Variants in IGSF3 observed in about 807,000 individuals in gnomAD.
IGSF3 encodes glu-Trp-Ile EWI motif-containing protein 3.
In IGSF3, 23 loss-of-function variants were observed where a neutral mutation model predicts 114.4. The observed-to-expected ratio is 0.20, with a 90% CI of 0.14 to 0.28. The LOEUF (loss-of-function observed/expected upper bound fraction) is 0.28. Among genes scored for constraint, IGSF3 ranks in the 10% least tolerant of loss-of-function variants. The probability of loss-of-function intolerance (pLI) is 1.00; values close to 1 mark genes in which losing one functional copy is unlikely to be tolerated. For synonymous variants in IGSF3, 571 were observed against 645.2 expected, an observed-to-expected ratio of 0.88 and a Z score of 1.74; for missense variants, 1,172 against 1,591.5, an observed-to-expected ratio of 0.74 and a Z score of 4.48.
At chr1:116,601,749 C>A (rs1660598816) in intron 6 of IGSF3, among the ~76,000 whole-genome samples, 1 of 152,122 alleles carries the variant, frequency 6.6e-6, no homozygotes, top group South Asian at 2.1e-4. Context: ...AAGTTTATGA[C>A]ACGGAGGCCC....
chr1:116,626,047 G>T (rs1261399303), intron 2 of IGSF3, among the ~76,000 whole-genome samples: 1 of 152,162 alleles, frequency 6.6e-6, no homozygotes, highest in Non-Finnish European at 1.5e-5. Context: ...TGTTGAAGCT[G>T]CTTCCTTAGA....
chr1:116,608,050 C>T lies in IGSF3; in HGVS notation c.1114G>A (p.Gly372Arg), dbSNP rs1045820637. Residue 372 changes from glycine (G) to arginine (R), a missense_variant, in exon 5 of 11, where the codon GGG (glycine) becomes AGG (arginine). By Grantham distance (125) the Gly-to-Arg change is moderately radical. Around this residue, in one of 3 missense-constraint regions of IGSF3, gnomAD observed 736 missense variants for 1,042.0 expected, o/e 0.71. Transcript: ENST00000369486. ...KIYHLRQEDS[G>R]KYNCRVTERE... is the part of the protein sequence containing the mutation. ...TCAGTCACCCGGCAGTTGTATTTCC[C>T]GCTATCTTCCTGGCGGAGGTGGTAG... is the stretch of plus-strand genomic sequence containing the variant. The T allele has an allele frequency of 6.2e-7, 1 of 1,613,884 alleles. No homozygotes were observed. The highest frequency in any genetic ancestry group is 8.5e-7 in the Non-Finnish European group (1 of 1,179,802).
At position 116,595,896 on chromosome 1, in the gene IGSF3, C is replaced by G. The variant is rs148395453; in HGVS notation, c.2029+4045G>C. Among the ~76,000 whole-genome samples the G allele has an allele frequency of 2.0e-5, 3 of 152,320 alleles. No individual in the cohort carries two copies. The highest frequency in any genetic ancestry group is 7.2e-5 in the African/African-American group (3 of 41,570). ...GCTAATAATCAAACATGTGAACTGG[C>G]TGAAAGTCTTGCCTAAGCACCCCTT... On this transcript the variant is annotated intron_variant, in intron 7 of 10. Coordinates refer to ENST00000369486, the MANE Select transcript of IGSF3 (RefSeq NM_001007237.3). This position sits in a 1 kb window ranked among gnomAD's most constrained non-coding sequence, Gnocchi z 4.2.
Position 116,595,313 on chromosome 1 carries a change from C to T in IGSF3, c.2029+4628G>A, listed in dbSNP as rs961252851. ...TCCTCTTAGGGCTCTTGCACTGACA[C>T]CCATTCTATCTTGGCACAGACAACA... On this transcript the variant is annotated intron_variant, in intron 7 of 10. Transcript: ENST00000369486. This position sits in a 1 kb window ranked among gnomAD's most constrained non-coding sequence, Gnocchi z 4.2. Among the ~76,000 whole-genome samples, 2 of 152,118 alleles carry T rather than the reference C, an allele frequency of 1.3e-5. No individual in the cohort carries two copies. Among genetic ancestry groups the T allele is most frequent in the African/African-American group, 4.8e-5 (2 of 41,396 alleles).
intron 2 of IGSF3, among the ~76,000 whole-genome samples, chr1:116,622,900 G>A (rs74111644): frequency 0.14 from 20,794 of 152,216 alleles, 1,834 homozygotes; most frequent in African/African-American, 0.26. Context: ...GGATCTTCTT[G>A]CCCACCTGGT....
chr1:116,637,103 G>A (rs1182606033), intron 2 of IGSF3, among the ~76,000 whole-genome samples: 2 of 152,088 alleles, frequency 1.3e-5, no homozygotes, highest in East Asian at 1.9e-4. Flanking sequence ...TCCCATCAAC[G>A]AGTCCAGCGC....
chr1:116,641,182 T>C (rs1256859083), intron 2 of IGSF3, among the ~76,000 whole-genome samples: 1 of 152,142 alleles, frequency 6.6e-6, no homozygotes, highest in Non-Finnish European at 1.5e-5. Flanking sequence ...TCGGTACATA[T>C]TTGAAACTTT....
At chr1:116,601,681 T>A (rs947484817) in intron 6 of IGSF3, among the ~76,000 whole-genome samples, 6 of 152,254 alleles carry the variant, frequency 3.9e-5, no homozygotes, top group African/African-American at 1.4e-4. Context: ...TACAATTTGC[T>A]GAAAACTCTG....
chr1:116,586,088 A>G (rs1459913042), intron 8 of IGSF3, among the ~76,000 whole-genome samples: 1 of 152,176 alleles, frequency 6.6e-6, no homozygotes, highest in Non-Finnish European at 1.5e-5. Context: ...GACACTATGA[A>G]TGCACAATAG....
chr1:116,654,105 T>A lies in IGSF3; in HGVS notation c.43+12179A>T, dbSNP rs115392530. ...CCATCATTCCTCACACTAACAAACA[T>A]GTCCATCTATGTGAAGCAGAATTCC... On this transcript the variant is annotated intron_variant, in intron 2 of 10. Transcript: ENST00000369486. The surrounding 1 kb of genome is among the most constrained non-coding windows in gnomAD (Gnocchi z 4.4). 0.018 allele frequency among the ~76,000 whole-genome samples: 2,695 copies of A among 152,266 alleles called. 22 individuals carry two copies. Among genetic ancestry groups the A allele is most frequent in the African/African-American group, 0.021 (886 of 41,544 alleles).
rs1647705718 is a variant in IGSF3 at position 116,633,884 on chromosome 1, C to G, written c.44-17427G>C. Reference sequence around the variant, plus strand: ...AACAGAATCCAGGGCTGAGGTCAGCCCTGAGTCTGTAGGCTCTGCCCTCTC... The same window carrying G: ...AACAGAATCCAGGGCTGAGGTCAGCGCTGAGTCTGTAGGCTCTGCCCTCTC... On this transcript the variant is annotated intron_variant, in intron 2 of 10. Transcript: ENST00000369486. This position sits in a 1 kb window ranked among gnomAD's most constrained non-coding sequence, Gnocchi z 4.3. 6.6e-6 allele frequency among the ~76,000 whole-genome samples: 1 copy of G among 152,310 alleles called. No individual in the cohort carries two copies. Among genetic ancestry groups the G allele is most frequent in the South Asian group, 2.1e-4 (1 of 4,830 alleles).
Position 116,624,718 on chromosome 1 carries a change from T to G in IGSF3, c.44-8261A>C, listed in dbSNP as rs1305183248. 6.6e-6 allele frequency among the ~76,000 whole-genome samples: 1 copy of G among 152,246 alleles called. No individual in the cohort carries two copies. ...TGTATCTGGGCAGGAAGTCACTGTG[T>G]GGCTTCCAATCCTAGGTCATGGAAA... On this transcript the variant is annotated intron_variant, in intron 2 of 10. Transcript: ENST00000369486. This position sits in a 1 kb window ranked among gnomAD's most constrained non-coding sequence, Gnocchi z 4.9.
chr1:116,616,336 G>A lies in IGSF3; in HGVS notation c.165C>T (p.Phe55=). The part of the protein sequence containing the change: ...SGYQGPSEQN[F]QWSIYLPSSP... Reference sequence around the variant, plus strand: ...ACGAAGGCAGGTAAATGGACCACTGGAAATTCTGCTCAGAAGGTCCCTGGT... The same window carrying A: ...ACGAAGGCAGGTAAATGGACCACTGAAAATTCTGCTCAGAAGGTCCCTGGT... The change falls in exon 3 of 11, where the codon TTC becomes TTT. Residue 55 remains phenylalanine (F), a synonymous_variant. Coordinates refer to ENST00000369486, the MANE Select transcript of IGSF3 (RefSeq NM_001007237.3). The surrounding 1 kb of genome is among the most constrained non-coding windows in gnomAD (Gnocchi z 6.6). 2 of 1,612,180 alleles carry A rather than the reference G, an allele frequency of 1.2e-6. No individual in the cohort carries two copies. The highest frequency in any genetic ancestry group is 1.7e-5 in the Admixed American group (1 of 60,030).
At chr1:116,599,621 G>T (rs1660487598) in intron 7 of IGSF3, among the ~76,000 whole-genome samples, 1 of 152,210 alleles carries the variant, frequency 6.6e-6, no homozygotes, top group Non-Finnish European at 1.5e-5. Context: ...GGGTGGGTAG[G>T]TTCTTAGGAG....
rs963825652 is a variant in IGSF3, at chr1:116,636,390, C to T, written c.44-19933G>A. On this transcript the variant is annotated intron_variant, in intron 2 of 10. Coordinates refer to ENST00000369486, the MANE Select transcript of IGSF3 (RefSeq NM_001007237.3). This position sits in a 1 kb window ranked among gnomAD's most constrained non-coding sequence, Gnocchi z 4.5. Reference sequence around the variant, plus strand: ...AGGACAGTTTTCATGCAAACTGGTTCTTCCAGGTTCTTATGCCTGGAAGAA... The same window carrying T: ...AGGACAGTTTTCATGCAAACTGGTTTTTCCAGGTTCTTATGCCTGGAAGAA... 3.3e-5 allele frequency among the ~76,000 whole-genome samples: 5 copies of T among 152,170 alleles called. No homozygotes were observed. The highest frequency in any genetic ancestry group is 5.9e-5 in the Non-Finnish European group (4 of 68,034).
At position 116,632,051 on chromosome 1, in the gene IGSF3, CAA is replaced by C. The variant is rs1647616030; in HGVS notation, c.44-15596_44-15595del. 6.6e-6 allele frequency among the ~76,000 whole-genome samples: 1 copy of C among 152,148 alleles called. No individual in the cohort carries two copies. Among genetic ancestry groups the C allele is most frequent in the Non-Finnish European group, 1.5e-5 (1 of 68,024 alleles). On this transcript the variant is annotated intron_variant, in intron 2 of 10. Coordinates refer to ENST00000369486, the MANE Select transcript of IGSF3 (RefSeq NM_001007237.3). This position sits in a 1 kb window ranked among gnomAD's most constrained non-coding sequence, Gnocchi z 5.1. ...GAGAGCAGAGCCTATTCCTGAAAAG[CAA>C]AAGACTCCAAACTTGCACAACTCAA...
intron 10 of IGSF3, among the ~76,000 whole-genome samples, chr1:116,578,922 C>T (rs1364464320): frequency 2.6e-5 from 4 of 152,184 alleles, no homozygotes; most frequent in Admixed American, 2.6e-4. Context: ...CAAGATCCAC[C>T]TCAACCTCCA....
chr1:116,597,937 A>T lies in IGSF3; in HGVS notation c.2029+2004T>A, dbSNP rs191187720. ...CATTATTAGGTTGTTGGATAAATTTAAAAAGAAAACATGAGTAAAGCACTA... is the reference window on the plus strand; with the variant it reads ...CATTATTAGGTTGTTGGATAAATTTTAAAAGAAAACATGAGTAAAGCACTA... On this transcript the variant is annotated intron_variant, in intron 7 of 10. Coordinates refer to ENST00000369486, the MANE Select transcript of IGSF3 (RefSeq NM_001007237.3). Among the ~76,000 whole-genome samples the T allele has an allele frequency of 4.6e-5, 7 of 152,354 alleles. No individual in the cohort carries two copies. In the East Asian group the frequency reaches 1.3e-3, roughly 29 times the overall value.
chr1:116,658,268 G>T (rs1268666335), intron 2 of IGSF3, among the ~76,000 whole-genome samples: 1 of 152,110 alleles, frequency 6.6e-6, no homozygotes. Context: ...TTGAACTCTT[G>T]ACCTCAAGCG....
Sources: allele counts gnomAD v4.1 joint callset (sites outside exome capture counted in the v4.1 genomes callset), GRCh38; gene constraint gnomAD v4.1.1; regional missense constraint gnomAD v4.1.1; non-coding constraint Gnocchi (gnomAD v3.1); transcripts MANE v1.5; gene names NCBI Gene and HGNC (gene_info 2026-07-23, HGNC 2026-07-21).